SLC24A2: variants seen among roughly 807,000 people sequenced by gnomAD.
The protein encoded by SLC24A2 is sodium/potassium/calcium exchanger 2.
Under a neutral mutation model 62.0 loss-of-function variants are expected in SLC24A2, and 36 were observed. The ratio of observed to expected loss-of-function variants is 0.58; its 90% CI spans 0.44 to 0.77. The LOEUF (loss-of-function observed/expected upper bound fraction) is 0.77. Among genes scored for constraint, SLC24A2 ranks in the 30% least tolerant of loss-of-function variants. The pLI is 0.00. For missense variants in SLC24A2, 846 were observed against 817.9 expected (o/e 1.03, Z -0.42); for synonymous variants, 358 against 294.0 (o/e 1.22, Z -2.23).
the SLC24A2 span, among the ~76,000 whole-genome samples, chr9:20,005,880 A>T: frequency 6.7e-6 from 1 of 148,246 alleles, no homozygotes; most frequent in Non-Finnish European, 1.5e-5. Flanking sequence ...AAAAAAAAAG[A>T]CAGAAAAGAA....
chr9:20,122,001 C>T, the SLC24A2 span, among the ~76,000 whole-genome samples: 1 of 152,188 alleles, frequency 6.6e-6, no homozygotes, highest in African/African-American at 2.4e-5. Flanking sequence ...GCTAATGCAG[C>T]ATTCCAAGGC....
chr9:19,811,641 C>G, the SLC24A2 span, among the ~76,000 whole-genome samples: 1 of 151,942 alleles, frequency 6.6e-6, no homozygotes, highest in Non-Finnish European at 1.5e-5. Context: ...TATTTTTTAC[C>G]ATTTTTTCAG....
the SLC24A2 span, among the ~76,000 whole-genome samples, chr9:20,261,325 G>A: frequency 1.9e-4 from 29 of 152,136 alleles, no homozygotes; most frequent in African/African-American, 6.3e-4. Flanking sequence ...TGTGGAGGCT[G>A]GGAAGTCCAG....
At chr9:20,111,242 A>G in the SLC24A2 span, among the ~76,000 whole-genome samples, 74 of 152,238 alleles carry the variant, frequency 4.9e-4, no homozygotes, top group African/African-American at 1.7e-3. Flanking sequence ...ACAGAGACAT[A>G]TATTCCTATC....
At chr9:19,577,955 G>A (rs1381640996) in intron 5 of SLC24A2, among the ~76,000 whole-genome samples, 3 of 151,684 alleles carry the variant, frequency 2.0e-5, no homozygotes, top group African/African-American at 7.3e-5. Context: ...AATGAGATTG[G>A]AGACTCTTAT....
the SLC24A2 span, among the ~76,000 whole-genome samples, chr9:20,070,709 G>T: frequency 6.6e-6 from 1 of 152,188 alleles, no homozygotes. Flanking sequence ...TAGACCCTCA[G>T]AACAAGGTAG....
the SLC24A2 span, among the ~76,000 whole-genome samples, chr9:19,867,964 G>C: frequency 1.3e-5 from 2 of 151,782 alleles, no homozygotes; most frequent in Admixed American, 1.3e-4. Flanking sequence ...TTAAAATTGT[G>C]TTTTGTCTTT....
intron 2 of SLC24A2, among the ~76,000 whole-genome samples, chr9:19,660,105 C>A (rs759636727): frequency 2.4e-4 from 36 of 152,190 alleles, no homozygotes; most frequent in Non-Finnish European, 4.9e-4. Flanking sequence ...CTCTGCCGCA[C>A]AGGATTTCTC....
the SLC24A2 span, among the ~76,000 whole-genome samples, chr9:19,825,361 G>A: frequency 6.6e-6 from 1 of 152,134 alleles, no homozygotes; most frequent in African/African-American, 2.4e-5. Flanking sequence ...TAAGTGCCAG[G>A]TGGGCACTGA....
intron 2 of SLC24A2, among the ~76,000 whole-genome samples, chr9:19,759,991 T>G (rs999032572): frequency 8.5e-5 from 13 of 152,232 alleles, no homozygotes; most frequent in African/African-American, 2.9e-4. Context: ...TAATTCAATC[T>G]GAGCCACATA....
At chr9:19,984,395 T>C in the SLC24A2 span, among the ~76,000 whole-genome samples, 1 of 151,968 alleles carries the variant, frequency 6.6e-6, no homozygotes, top group Non-Finnish European at 1.5e-5. Flanking sequence ...ACTAGTGAAA[T>C]AGAATTGGAA....
chr9:19,712,171 C>T (rs746602798), intron 2 of SLC24A2, among the ~76,000 whole-genome samples: 52 of 152,110 alleles, frequency 3.4e-4, no homozygotes, highest in Admixed American at 5.9e-4. Context: ...GTCAGTTCCA[C>T]GTTTAGGACG....
chr9:20,268,663 A>G, the SLC24A2 span, among the ~76,000 whole-genome samples: 1 of 152,212 alleles, frequency 6.6e-6, no homozygotes, highest in African/African-American at 2.4e-5. Flanking sequence ...CAAATAAATT[A>G]TATAGCCCAG....
the SLC24A2 span, among the ~76,000 whole-genome samples, chr9:20,269,629 C>G: frequency 6.6e-6 from 1 of 152,160 alleles, no homozygotes; most frequent in Non-Finnish European, 1.5e-5. Context: ...AAACCAAACC[C>G]CTATTCTACA....
In SLC24A2 at chr9:19,511,106, T is replaced by A. The variant is rs1832699621; in HGVS notation, c.*5047A>T. 1 of 152,188 alleles carries A rather than the reference T, an allele frequency of 6.6e-6. No homozygotes were observed. The highest frequency in any genetic ancestry group is 1.5e-5 in the Non-Finnish European group (1 of 68,048). 9.4% of individuals were successfully genotyped at this position (152,188 alleles called of 1,614,324 possible). On this transcript the variant is annotated 3_prime_UTR_variant, in exon 11 of 11. Transcript: ENST00000341998. ...CCTGTGATTTCTACAGACGACTACA[T>A]GCTCCGGGTGATTACATGCCACAAC...
chr9:20,231,945 C>G, the SLC24A2 span, among the ~76,000 whole-genome samples: 10,375 of 152,036 alleles, frequency 0.068, 453 homozygotes, highest in Middle Eastern at 0.12. Context: ...TTAGCATGAA[C>G]GGTTGTTGAA....
At chr9:20,020,930 C>T in the SLC24A2 span, among the ~76,000 whole-genome samples, 1 of 152,130 alleles carries the variant, frequency 6.6e-6, no homozygotes, top group East Asian at 1.9e-4. Context: ...TCCCATGTGG[C>T]TCTTTTCTAC....
chr9:19,677,354 T>A (rs1819589893), intron 2 of SLC24A2, among the ~76,000 whole-genome samples: 1 of 152,156 alleles, frequency 6.6e-6, no homozygotes, highest in Non-Finnish European at 1.5e-5. Context: ...CCACATGTTC[T>A]CACTTACAAG....
the SLC24A2 span, among the ~76,000 whole-genome samples, chr9:19,897,978 A>G: frequency 6.6e-6 from 1 of 152,226 alleles, no homozygotes; most frequent in Non-Finnish European, 1.5e-5. Context: ...GGTCAGGGAA[A>G]GAGAATTACA....
Sources: allele counts gnomAD v4.1 joint callset (sites outside exome capture counted in the v4.1 genomes callset), GRCh38; gene constraint gnomAD v4.1.1; transcripts MANE v1.5; gene names NCBI Gene and HGNC (gene_info 2026-07-23, HGNC 2026-07-21).